GNA13: variants seen among roughly 807,000 people sequenced by gnomAD.
The protein encoded by GNA13 is G protein subunit alpha 13.
GNA13 carries 4 observed loss-of-function variants against 33.5 expected under a neutral mutation model. That is an observed-to-expected ratio of 0.12 (90% CI 0.06 to 0.27). The LOEUF is 0.27. GNA13 is among the 10% of genes least tolerant of loss of function. The probability of loss-of-function intolerance (pLI) is 1.00; values close to 1 mark genes in which losing one functional copy is unlikely to be tolerated. For missense variants in GNA13, 319 were observed against 487.2 expected (o/e 0.65, Z 3.25); for synonymous variants, 176 against 183.8 (o/e 0.96, Z 0.34).
In GNA13 at chr17:65,014,142, A is replaced by T; in HGVS notation, c.*115T>A. ...AAAGTACTAAGATTTTCAAGAAGTT[A>T]AACGTAGAATTAAGATTGTTCTAAT... is the stretch of plus-strand genomic sequence containing the variant. On this transcript the variant is annotated 3_prime_UTR_variant, in exon 4 of 4. Coordinates refer to ENST00000439174, the MANE Select transcript of GNA13 (RefSeq NM_006572.6). The surrounding 1 kb of genome is among the most constrained non-coding windows in gnomAD (Gnocchi z 5.3). The T allele has an allele frequency of 1.5e-6, 1 of 660,072 alleles. No individual in the cohort carries two copies. The highest frequency in any genetic ancestry group is 2.6e-6 in the Non-Finnish European group (1 of 384,166). The allele number at this position is 660,072 out of a possible 1,614,324, so 40.9% of individuals were successfully genotyped here.
intron 2 of GNA13, among the ~76,000 whole-genome samples, chr17:65,034,785 ATTTT>A: frequency 6.6e-6 from 1 of 152,134 alleles, no homozygotes; most frequent in Middle Eastern, 3.4e-3. Context: ...TTTAGTATTT[ATTTT>A]ATTTTATTTT....
chr17:65,020,002 C>T (rs1021991215), intron 2 of GNA13, among the ~76,000 whole-genome samples: 9 of 152,042 alleles, frequency 5.9e-5, no homozygotes, highest in African/African-American at 1.9e-4. Flanking sequence ...AAAATAAAAA[C>T]GGAAGACATG....
In GNA13 at chr17:65,011,983, G is replaced by C. The variant is rs540225537; in HGVS notation, c.*2274C>G. 1.8e-5 allele frequency: 4 copies of C among 227,272 alleles called. No individual in the cohort carries two copies. The East Asian group carries it at 2.5e-4, about 14-fold the overall frequency. The allele number at this position is 227,272 out of a possible 1,614,324, so 14.1% of individuals were successfully genotyped here. A position where few individuals can be genotyped will look rare whatever the true frequency, so the allele number is the denominator to read the frequency against. ...AAAGTTCTACTGAATGTCAAAACAA[G>C]CCTAAGTTGAATATAAGTAATTCAT... On this transcript the variant is annotated 3_prime_UTR_variant, in exon 4 of 4. Coordinates refer to ENST00000439174, the MANE Select transcript of GNA13 (RefSeq NM_006572.6).
intron 2 of GNA13, among the ~76,000 whole-genome samples, chr17:65,029,480 G>C (rs1906921860): frequency 6.6e-6 from 1 of 152,216 alleles, no homozygotes; most frequent in African/African-American, 2.4e-5. Context: ...GGTCAGGGAA[G>C]TTAGGTGGCT....
intron 2 of GNA13, among the ~76,000 whole-genome samples, chr17:65,034,268 C>A (rs920842645): frequency 4.6e-5 from 7 of 152,000 alleles, no homozygotes; most frequent in Non-Finnish European, 1.0e-4. Context: ...GAACTTATTA[C>A]ATTATTCTAG....
intron 2 of GNA13, among the ~76,000 whole-genome samples, chr17:65,044,818 A>G (rs1248266598): frequency 6.6e-6 from 1 of 152,134 alleles, no homozygotes; most frequent in Admixed American, 6.5e-5. Context: ...TAAGGCGGAC[A>G]GATCACTTGA....
Position 65,056,622 on chromosome 17 carries a change from G to A in GNA13, c.-29C>T. On this transcript the variant is annotated 5_prime_UTR_variant, in exon 1 of 4. Transcript: ENST00000439174. ...GCCGCCGCCGCCGCCGCCTCGGCGG[G>A]CCCCTCCGGCTCCCTCCACCTCCTC... 6.3e-7 allele frequency: 1 copy of A among 1,588,318 alleles called. No individual in the cohort carries two copies. Among genetic ancestry groups the A allele is most frequent in the Non-Finnish European group, 8.5e-7 (1 of 1,171,008 alleles).
chr17:65,031,535 G>A (rs969753381), intron 2 of GNA13, among the ~76,000 whole-genome samples: 1 of 152,100 alleles, frequency 6.6e-6, no homozygotes, highest in African/African-American at 2.4e-5. Flanking sequence ...GAGAAAACTG[G>A]AAATCTAAGT....
intron 1 of GNA13, among the ~76,000 whole-genome samples, chr17:65,056,000 C>T (rs904180923): frequency 6.6e-6 from 1 of 152,192 alleles, no homozygotes; most frequent in Non-Finnish European, 1.5e-5. Flanking sequence ...AGGCAGCACC[C>T]AGCTCGCCCC....
In GNA13 at chr17:65,014,697, G is replaced by C; in HGVS notation, c.694C>G (p.Arg232Gly). 1 of 1,614,004 alleles carries C rather than the reference G, an allele frequency of 6.2e-7. No homozygotes were observed. The highest frequency in any genetic ancestry group is 8.5e-7 in the Non-Finnish European group (1 of 1,179,938). ...ACACTGTCGAAACATTCAAACCAAC[G>C]TTTCCTTTCTGATCTCTGACCACCT... ...DVGGQRSERK[R>G]WFECFDSVTS... Residue 232 changes from arginine (R) to glycine (G), a missense_variant, in exon 4 of 4, where the codon CGT (arginine) becomes GGT (glycine). Arg to Gly is a moderately radical substitution (Grantham distance 125). Transcript: ENST00000439174. This position sits in a 1 kb window ranked among gnomAD's most constrained non-coding sequence, Gnocchi z 5.3.
Position 65,014,223 on chromosome 17 carries a change from CAAAA to C in GNA13, c.*30_*33del, listed in dbSNP as rs1906285797. The C allele has an allele frequency of 7.9e-7, 1 of 1,263,202 alleles. No homozygotes were observed. The highest frequency in any genetic ancestry group is 1.5e-5 in the African/African-American group (1 of 66,842). 78.2% of individuals were successfully genotyped at this position (1,263,202 alleles called of 1,614,324 possible). On this transcript the variant is annotated 3_prime_UTR_variant, in exon 4 of 4. Coordinates refer to ENST00000439174, the MANE Select transcript of GNA13 (RefSeq NM_006572.6). This position sits in a 1 kb window ranked among gnomAD's most constrained non-coding sequence, Gnocchi z 5.3. ...AAACAAACAGAAAACATCAAAAACA[CAAAA>C]AGATATTAAAACAGCAAGTCTTTTG... is the stretch of plus-strand genomic sequence containing the variant.
chr17:65,053,623 G>A lies in GNA13; in HGVS notation c.389C>T (p.Pro130Leu). 1 of 1,613,792 alleles carries A rather than the reference G, an allele frequency of 6.2e-7. No homozygotes were observed. The highest frequency in any genetic ancestry group is 8.5e-7 in the Non-Finnish European group (1 of 1,179,708). Residue 130 changes from proline (P) to leucine (L), a missense_variant, in exon 2 of 4, where the codon CCC (proline) becomes CTC (leucine). Around this residue, in one of 4 missense-constraint regions of GNA13, gnomAD observed 136 missense variants for 159.3 expected, o/e 0.85. Coordinates refer to ENST00000439174, the MANE Select transcript of GNA13 (RefSeq NM_006572.6). ...TTCCACCATTCCTTGGGCTGCCATG[G>A]GGGCCCGGGTATCAAACGACATCAT... ...DKMMSFDTRA[P>L]MAAQGMVETR...
chr17:65,011,008 A>G lies in GNA13; in HGVS notation c.*3249T>C, dbSNP rs1003768806. 2.5e-5 allele frequency: 5 copies of G among 197,360 alleles called. No individual in the cohort carries two copies. The highest frequency in any genetic ancestry group is 4.2e-5 in the Non-Finnish European group (4 of 95,328). The allele number at this position is 197,360 out of a possible 1,614,324, so 12.2% of individuals were successfully genotyped here. A position where few individuals can be genotyped will look rare whatever the true frequency, so the allele number is the denominator to read the frequency against. On this transcript the variant is annotated 3_prime_UTR_variant, in exon 4 of 4. Coordinates refer to ENST00000439174, the MANE Select transcript of GNA13 (RefSeq NM_006572.6). ...TGGTAACTTTATTCTTCATATATAA[A>G]TAAGGCATAATCGGATGTGTATTAA... is the stretch of plus-strand genomic sequence containing the variant.
Position 65,056,359 on chromosome 17 carries a change from G to T in GNA13, c.235C>A (p.Arg79Ser). The T allele has an allele frequency of 6.2e-7, 1 of 1,610,824 alleles. No individual in the cohort carries two copies. The change falls in exon 1 of 4, where the codon CGC (arginine) becomes AGC (serine). Residue 79 changes from arginine (R) to serine (S), a missense_variant. Physicochemically the swap from Arg to Ser is moderately radical, Grantham distance 110 (BLOSUM62 -1). Around this residue, in one of 4 missense-constraint regions of GNA13, gnomAD observed 136 missense variants for 159.3 expected, o/e 0.85. Transcript: ENST00000439174. ...RIIHGQDFDQ[R>S]AREEFRPTIY... The stretch of plus-strand genomic sequence containing the variant: ...GTGGGGCGGAACTCCTCGCGCGCGC[G>T]CTGGTCGAAGTCCTGCCCGTGGATG...
At chr17:65,053,938 G>A (rs1907947538) in intron 1 of GNA13, among the ~76,000 whole-genome samples, 1 of 152,124 alleles carries the variant, frequency 6.6e-6, no homozygotes, top group Admixed American at 6.5e-5. Context: ...GCCTTGAAAA[G>A]CAAATACTAT....
chr17:65,034,012 CAAAAA>C (rs780895691), intron 2 of GNA13, among the ~76,000 whole-genome samples: 21 of 50,078 alleles, frequency 4.2e-4, no homozygotes, highest in Admixed American at 1.1e-3. Flanking sequence ...GACTCCGTCT[CAAAAA>C]AAAAAAAAAA....
chr17:65,015,001 T>C (rs950079613), intron 3 of GNA13, among the ~76,000 whole-genome samples, 172 bp from the exon 4 acceptor site: 2 of 152,188 alleles, frequency 1.3e-5, no homozygotes, highest in Admixed American at 1.3e-4. Context: ...ACATGGTGGG[T>C]CATGCCTATA....
At chr17:65,032,695 C>A (rs1907091680) in intron 2 of GNA13, among the ~76,000 whole-genome samples, 1 of 152,170 alleles carries the variant, frequency 6.6e-6, no homozygotes, top group Non-Finnish European at 1.5e-5. Flanking sequence ...TTATTTAATG[C>A]CTTTCCAACA....
rs200798977 is a variant in GNA13, at chr17:65,056,552, G to A, written c.42C>T (p.Cys14=). ...FLPSRSVLSV[C]FPGCLLTSGE... is the part of the protein sequence containing the mutation. ...CACTCGTCAGCAGGCAGCCGGGGAA[G>A]CACACGGACAGCACGGACCGCGACG... The change falls in exon 1 of 4, where the codon TGC becomes TGT. Residue 14 remains cysteine, a synonymous_variant. Coordinates refer to ENST00000439174, the MANE Select transcript of GNA13 (RefSeq NM_006572.6). The A allele has an allele frequency of 6.8e-6, 11 of 1,612,152 alleles. No homozygotes were observed. The East Asian group carries it at 1.3e-4, about 20-fold the overall frequency.
Sources: gnomAD v4.1 joint callset for allele counts (sites outside exome capture counted in the v4.1 genomes callset) on GRCh38, gnomAD v4.1.1 for gene constraint, gnomAD v4.1.1 regional missense constraint, Gnocchi (gnomAD v3.1) non-coding constraint, MANE v1.5 for transcripts, NCBI Gene and HGNC (gene_info 2026-07-23, HGNC 2026-07-21) for gene names.